MED12L: variants seen among roughly 807,000 people sequenced by gnomAD.
The protein encoded by MED12L is mediator complex subunit 12L.
MED12L carries 60 observed loss-of-function variants against 281.3 expected under a neutral mutation model. The observed-to-expected ratio is 0.21, with a 90% confidence interval of 0.17 to 0.26. The LOEUF (loss-of-function observed/expected upper bound fraction) is 0.26, where lower values mean the gene tolerates loss of function less well. Ranked by LOEUF, MED12L falls within the 10% of genes least tolerant of loss-of-function variation. The pLI is 1.00. For missense variants in MED12L, 2,146 were observed against 2,680.9 expected, an observed-to-expected ratio of 0.80 and a Z score of 4.41; for synonymous variants, 974 against 987.2, an observed-to-expected ratio of 0.99 and a Z score of 0.25.
At chr3:151,416,799 C>T (rs563210288) in intron 43 of MED12L, among the ~76,000 whole-genome samples, 9 of 152,268 alleles carry the variant, frequency 5.9e-5, no homozygotes, top group East Asian at 3.9e-4. Context: ...AAACCATGGG[C>T]GCACTTTCTA....
chr3:151,357,557 T>C (rs1754079660), intron 20 of MED12L, among the ~76,000 whole-genome samples, 181 bp downstream of exon 20: 1 of 152,184 alleles, frequency 6.6e-6, no homozygotes, highest in South Asian at 2.1e-4. Context: ...AGTATGTTCT[T>C]TCTAATAATG....
intron 3 of MED12L, among the ~76,000 whole-genome samples, chr3:151,118,374 T>C (rs1357186835): frequency 6.6e-6 from 1 of 151,400 alleles, no homozygotes; most frequent in Non-Finnish European, 1.5e-5. Context: ...AACTGAAATA[T>C]TACTTAAGCA....
At chr3:151,210,883 T>G (rs1434802526) in intron 16 of MED12L, among the ~76,000 whole-genome samples, 1 of 152,230 alleles carries the variant, frequency 6.6e-6, no homozygotes, top group African/African-American at 2.4e-5. Context: ...CCTGTTTCCT[T>G]ACAGCTGTGT....
At chr3:151,380,982 A>T (rs889187295) in intron 32 of MED12L, among the ~76,000 whole-genome samples, 1 of 152,226 alleles carries the variant, frequency 6.6e-6, no homozygotes, top group African/African-American at 2.4e-5. Flanking sequence ...ATAAATCAGA[A>T]GGCATGTTGG....
At chr3:151,236,005 T>G (rs1371571861) in intron 16 of MED12L, among the ~76,000 whole-genome samples, 3 of 152,168 alleles carry the variant, frequency 2.0e-5, no homozygotes, top group Non-Finnish European at 4.4e-5. Context: ...TGGCAAAAAC[T>G]GCAATTACTT....
intron 16 of MED12L, among the ~76,000 whole-genome samples, chr3:151,296,627 G>T (rs558155153): frequency 2.6e-5 from 4 of 151,872 alleles, no homozygotes; most frequent in Non-Finnish European, 4.4e-5. Flanking sequence ...GGCTGTGCCA[G>T]CCTTCTGCTT....
intron 4 of MED12L, among the ~76,000 whole-genome samples, chr3:151,127,491 A>G (rs1714709962): frequency 6.6e-6 from 1 of 152,142 alleles, no homozygotes; most frequent in African/African-American, 2.4e-5. Flanking sequence ...TCATGAAATT[A>G]TTTTTCCTTG....
chr3:151,339,209 C>G (rs1043107876), intron 16 of MED12L, among the ~76,000 whole-genome samples: 1 of 152,092 alleles, frequency 6.6e-6, no homozygotes, highest in Non-Finnish European at 1.5e-5. Context: ...CTTTACTCTT[C>G]TCTAGCTTCC....
rs146615024 is a variant in MED12L, at chr3:151,295,198, G to A, written c.2251-54861G>A. ...TGCCTGAATTGTGACTCTCTTGGCC[G>A]TGCAGCTCGTTATCTGTAGGAGAAG... On this transcript the variant is annotated intron_variant, in intron 16 of 44. Transcript: ENST00000687756. The A allele has an allele frequency of 1.5e-4, 235 of 1,605,238 alleles. 1 individual carries two copies. The Middle Eastern group carries it at 4.0e-3, about 27-fold the overall frequency.
chr3:151,331,258 T>C (rs1375488784), intron 16 of MED12L, among the ~76,000 whole-genome samples: 1 of 152,208 alleles, frequency 6.6e-6, no homozygotes, highest in African/African-American at 2.4e-5. Flanking sequence ...TTCCTTAGTT[T>C]ACAGCAGCAC....
chr3:151,190,957 C>T (rs765424275), intron 14 of MED12L, 26 bp downstream of exon 14: 2 of 1,599,832 alleles, frequency 1.3e-6, no homozygotes, highest in African/African-American at 2.7e-5. Context: ...TGATGCCCCA[C>T]TCCCCCAGAA....
rs35035320 is a variant in MED12L, at chr3:151,281,232, C to CAAAAA, written c.2251-68804_2251-68800dup. ...TGAAACCCTATCTCTACCAAAAATA[C>CAAAAA]AAAAAAAAAAAAAAAAAAAAAAAAA... On this transcript the variant is annotated intron_variant, in intron 16 of 44. Coordinates refer to ENST00000687756, the MANE Select transcript of MED12L (RefSeq NM_001393769.1). Among the ~76,000 whole-genome samples the CAAAAA allele has an allele frequency of 1.0e-4, 5 of 49,940 alleles. 1 individual carries two copies. Among genetic ancestry groups the CAAAAA allele is most frequent in the Non-Finnish European group, 1.8e-4 (5 of 27,876 alleles). 32.8% of individuals were successfully genotyped at this position (49,940 alleles called of 152,430 possible). A position where few individuals can be genotyped will look rare whatever the true frequency, so the allele number is the denominator to read the frequency against.
At chr3:151,151,162 T>G (rs1718447853) in intron 5 of MED12L, among the ~76,000 whole-genome samples, 1 of 150,744 alleles carries the variant, frequency 6.6e-6, no homozygotes, top group Non-Finnish European at 1.5e-5. Context: ...CTCAGCCTCT[T>G]GAATAGCTGG....
intron 39 of MED12L, among the ~76,000 whole-genome samples, chr3:151,396,267 A>C (rs1714954040): frequency 6.6e-6 from 1 of 152,190 alleles, no homozygotes; most frequent in Non-Finnish European, 1.5e-5. Context: ...ATCATTTTTG[A>C]GTTAAAAAAT....
intron 2 of MED12L, among the ~76,000 whole-genome samples, chr3:151,099,069 G>A (rs1186157368): frequency 6.6e-6 from 1 of 152,140 alleles, no homozygotes; most frequent in East Asian, 1.9e-4. Context: ...AACTGTACCC[G>A]TGATTCATTT....
chr3:151,167,028 T>C (rs1289016439), intron 11 of MED12L, among the ~76,000 whole-genome samples: 1 of 152,162 alleles, frequency 6.6e-6, no homozygotes, highest in Non-Finnish European at 1.5e-5. Context: ...ACACACATTA[T>C]AGAACATAAT....
chr3:151,384,831 T>C lies in MED12L; in HGVS notation c.4927-199T>C, dbSNP rs1713050550. On this transcript the variant is annotated intron_variant, in intron 35 of 44. Coordinates refer to ENST00000687756, the MANE Select transcript of MED12L (RefSeq NM_001393769.1). ...CAACAGTGCCTTTGTATGTGTTCTA[T>C]TTTCTACTTAAATAGAAGAAATGAA... 7.7e-6 allele frequency: 4 copies of C among 522,124 alleles called. No individual in the cohort carries two copies. In the East Asian group the frequency reaches 1.4e-4, roughly 18 times the overall value. 32.3% of individuals were successfully genotyped at this position (522,124 alleles called of 1,614,324 possible).
intron 37 of MED12L, among the ~76,000 whole-genome samples, chr3:151,388,426 T>G (rs1325737886): frequency 6.6e-6 from 1 of 152,244 alleles, no homozygotes; most frequent in East Asian, 1.9e-4. Flanking sequence ...AATATTTAAT[T>G]AATATTTCAG....
intron 16 of MED12L, among the ~76,000 whole-genome samples, chr3:151,292,047 T>C (rs959391430): frequency 6.6e-6 from 1 of 152,204 alleles, no homozygotes; most frequent in Non-Finnish European, 1.5e-5. Flanking sequence ...CTCTTAGAAT[T>C]GAGGCCTGAA....
Sources: allele counts gnomAD v4.1 joint callset (sites outside exome capture counted in the v4.1 genomes callset), GRCh38; gene constraint gnomAD v4.1.1; transcripts MANE v1.5; gene names NCBI Gene and HGNC (gene_info 2026-07-23, HGNC 2026-07-21).